The following FAM117B variants were observed in gnomAD, a reference collection of about 807,000 sequenced individuals.
The protein encoded by FAM117B is family with sequence similarity 117 member B, also known as protein FAM117B.
FAM117B carries 22 observed loss-of-function variants against 52.8 expected under a neutral mutation model. The observed-to-expected ratio is 0.42, with a 90% CI of 0.30 to 0.59. The LOEUF (loss-of-function observed/expected upper bound fraction) is 0.59, where lower values mean the gene tolerates loss of function less well. Among genes scored for constraint, FAM117B ranks in the 20% least tolerant of loss-of-function variants. The pLI, the probability that FAM117B is intolerant of heterozygous loss-of-function variation, is 0.22. For missense variants in FAM117B, 678 were observed against 802.6 expected, an observed-to-expected ratio of 0.84 and a Z score of 1.88; for synonymous variants, 309 against 324.1, an observed-to-expected ratio of 0.95 and a Z score of 0.50.
intron 2 of FAM117B, among the ~76,000 whole-genome samples, chr2:202,708,409 T>A (rs1269379589): frequency 6.6e-6 from 1 of 152,204 alleles, no homozygotes; most frequent in Non-Finnish European, 1.5e-5. Flanking sequence ...TCTTTTTTTT[T>A]AAGACTGAAT....
intron 2 of FAM117B, among the ~76,000 whole-genome samples, chr2:202,719,965 T>C (rs962822484): frequency 2.2e-4 from 34 of 152,340 alleles, no homozygotes; most frequent in African/African-American, 7.9e-4. Context: ...ATGTGATGTA[T>C]GTTCCTTTCT....
At chr2:202,755,930 G>C (rs1030896436) in intron 5 of FAM117B, among the ~76,000 whole-genome samples, 1 of 152,146 alleles carries the variant, frequency 6.6e-6, no homozygotes, top group African/African-American at 2.4e-5. Context: ...TCTGTATTTA[G>C]AAACCATTAG....
At chr2:202,663,028 C>T (rs1042655155) in intron 1 of FAM117B, among the ~76,000 whole-genome samples, 11 of 152,182 alleles carry the variant, frequency 7.2e-5, no homozygotes, top group African/African-American at 2.4e-4. Flanking sequence ...AATAATGAAG[C>T]GTTAGAAGCA....
At chr2:202,732,906 A>G (rs1691379563) in intron 4 of FAM117B, among the ~76,000 whole-genome samples, 1 of 151,818 alleles carries the variant, frequency 6.6e-6, no homozygotes, top group Non-Finnish European at 1.5e-5. Context: ...AGGGCACATA[A>G]CATACGATTC....
chr2:202,673,416 C>T (rs896899836), intron 1 of FAM117B, among the ~76,000 whole-genome samples: 1 of 134,194 alleles, frequency 7.5e-6, no homozygotes, highest in African/African-American at 3.3e-5. Flanking sequence ...GCTAGCCTAC[C>T]CTATTTTTCT....
chr2:202,740,291 C>T (rs993988013), intron 4 of FAM117B, among the ~76,000 whole-genome samples: 55 of 133,148 alleles, frequency 4.1e-4, no homozygotes, highest in Admixed American at 8.4e-4. Context: ...ACCTGTGAGT[C>T]GGAGGTTGCA....
chr2:202,758,313 C>G (rs566244613), intron 6 of FAM117B, among the ~76,000 whole-genome samples: 34 of 152,294 alleles, frequency 2.2e-4, no homozygotes, highest in African/African-American at 7.9e-4. Context: ...AACTGTTACT[C>G]TTTGGACTTT....
intron 2 of FAM117B, among the ~76,000 whole-genome samples, chr2:202,711,129 C>T (rs1458916114): frequency 6.6e-6 from 1 of 152,042 alleles, no homozygotes; most frequent in Non-Finnish European, 1.5e-5. Flanking sequence ...TTTGAGGAAC[C>T]TCCAAACTGT....
rs1027003502 is a variant in FAM117B at position 202,766,061 on chromosome 2, A to AAAACACACACAC, written c.*298_*299insAACACACACACA. The AAAACACACACAC allele has an allele frequency of 4.9e-6, 1 of 202,382 alleles. No homozygotes were observed. Among genetic ancestry groups the AAAACACACACAC allele is most frequent in the African/African-American group, 2.5e-5 (1 of 39,710 alleles). The allele number at this position is 202,382 out of a possible 1,614,324, so 12.5% of individuals were successfully genotyped here. A position where few individuals can be genotyped will look rare whatever the true frequency, so the allele number is the denominator to read the frequency against. On this transcript the variant is annotated 3_prime_UTR_variant, in exon 8 of 8. Transcript: ENST00000392238. ...TTGTTTTCGAATTAGACTTCTTTAA[A>AAAACACACACAC]ACACACACACACACACACACACACA...
intron 4 of FAM117B, among the ~76,000 whole-genome samples, chr2:202,743,383 A>G (rs1038355833): frequency 2.6e-5 from 4 of 152,224 alleles, no homozygotes; most frequent in Non-Finnish European, 4.4e-5. Flanking sequence ...AGATAAATCT[A>G]TAGGAAAAAG....
intron 4 of FAM117B, among the ~76,000 whole-genome samples, chr2:202,754,194 C>T (rs775032172): frequency 6.6e-6 from 1 of 152,108 alleles, no homozygotes; most frequent in East Asian, 1.9e-4. Context: ...ACTATGCAGC[C>T]ATAAAAAGGA....
chr2:202,638,247 T>G (rs922235631), intron 1 of FAM117B, among the ~76,000 whole-genome samples: 3 of 152,144 alleles, frequency 2.0e-5, no homozygotes, highest in Non-Finnish European at 4.4e-5. Flanking sequence ...GCCAGCATAG[T>G]GCATCAGGTG....
intron 2 of FAM117B, among the ~76,000 whole-genome samples, chr2:202,716,247 C>CT (rs912130596): frequency 3.2e-4 from 48 of 150,924 alleles, no homozygotes; most frequent in African/African-American, 8.3e-4. Flanking sequence ...TTTTCCATCC[C>CT]TTTTTTTTTC....
rs1156710157 is a variant in FAM117B, at chr2:202,766,525, C to T, written c.*761C>T. 1 of 152,628 alleles carries T rather than the reference C, an allele frequency of 6.6e-6. No individual in the cohort carries two copies. The highest frequency in any genetic ancestry group is 1.5e-5 in the Non-Finnish European group (1 of 68,050). 9.5% of individuals were successfully genotyped at this position (152,628 alleles called of 1,614,324 possible). A position where few individuals can be genotyped will look rare whatever the true frequency, so the allele number is the denominator to read the frequency against. ...TATAACTGCTGTTTTCTTCACTACT[C>T]CTGTACACATTTCACCATGTGGTCA... On this transcript the variant is annotated 3_prime_UTR_variant, in exon 8 of 8. Transcript: ENST00000392238.
At chr2:202,683,783 T>G (rs1045584886) in intron 1 of FAM117B, among the ~76,000 whole-genome samples, 1 of 152,042 alleles carries the variant, frequency 6.6e-6, no homozygotes, top group Non-Finnish European at 1.5e-5. Flanking sequence ...ATAGAAGAGA[T>G]AATACCGTAA....
chr2:202,637,595 A>G (rs1204155291), intron 1 of FAM117B, among the ~76,000 whole-genome samples: 1 of 152,190 alleles, frequency 6.6e-6, no homozygotes, highest in Non-Finnish European at 1.5e-5. Flanking sequence ...AACTGTGATA[A>G]AAGTACTAGA....
intron 1 of FAM117B, among the ~76,000 whole-genome samples, chr2:202,677,612 C>A (rs947876054): frequency 6.6e-6 from 1 of 152,198 alleles, no homozygotes. Context: ...GATTTGCACT[C>A]AAGCCTTGGC....
At chr2:202,639,352 GACT>G (rs1689733360) in intron 1 of FAM117B, among the ~76,000 whole-genome samples, 1 of 152,084 alleles carries the variant, frequency 6.6e-6, no homozygotes, top group African/African-American at 2.4e-5. Flanking sequence ...TCCTACTCTT[GACT>G]ACTATAAAGT....
At chr2:202,641,962 T>A (rs79336033) in intron 1 of FAM117B, among the ~76,000 whole-genome samples, 5 of 146,770 alleles carry the variant, frequency 3.4e-5, no homozygotes, top group South Asian at 2.2e-4. Context: ...TTTTTTTTTT[T>A]ATCGGAGTCT....
Sources: allele counts gnomAD v4.1 joint callset (sites outside exome capture counted in the v4.1 genomes callset), GRCh38; gene constraint gnomAD v4.1.1; transcripts MANE v1.5; gene names NCBI Gene and HGNC (gene_info 2026-07-23, HGNC 2026-07-21).